MED12L: variants seen among roughly 807,000 people sequenced by gnomAD.
MED12L encodes mediator complex subunit 12L, also known as mediator of RNA polymerase II transcription subunit 12-like protein.
In MED12L, 60 loss-of-function variants were observed where a neutral mutation model predicts 281.3. That is an observed-to-expected ratio of 0.21 (90% CI 0.17 to 0.26). The LOEUF (loss-of-function observed/expected upper bound fraction) is 0.26. MED12L is among the 10% of genes least tolerant of loss of function. MED12L has a pLI of 1.00. For missense variants in MED12L, 2,146 were observed against 2,680.9 expected, an observed-to-expected ratio of 0.80 and a Z score of 4.41; for synonymous variants, 974 against 987.2, an observed-to-expected ratio of 0.99 and a Z score of 0.25.
At chr3:151,235,211 C>G (rs1732486285) in intron 16 of MED12L, among the ~76,000 whole-genome samples, 1 of 152,148 alleles carries the variant, frequency 6.6e-6, no homozygotes, top group Admixed American at 6.5e-5. Context: ...TAATGCCTGG[C>G]AGAACTCTGA....
intron 37 of MED12L, 103 bp downstream of exon 37, chr3:151,388,275 GT>G: frequency 1.4e-6 from 2 of 1,414,972 alleles, no homozygotes; most frequent in South Asian, 1.4e-5. Context: ...AGCAGGATAA[GT>G]TTTGTTATGA....
chr3:151,294,644 A>AC lies in MED12L; in HGVS notation c.2251-55410dup, dbSNP rs1559993720. 3 of 1,614,008 alleles carry AC rather than the reference A, an allele frequency of 1.9e-6. 1 individual carries two copies. The highest frequency in any genetic ancestry group is 3.3e-5 in the Admixed American group (2 of 59,996). ...ATAGGTGACTGCCGTATGCCATTTG[A>AC]CCCCCAAAGGACTTTTAAGTTTTGA... is the stretch of plus-strand genomic sequence containing the variant. On this transcript the variant is annotated intron_variant, in intron 16 of 44. Transcript: ENST00000687756.
At chr3:151,296,410 C>G (rs570868634) in intron 16 of MED12L, among the ~76,000 whole-genome samples, 1 of 152,172 alleles carries the variant, frequency 6.6e-6, no homozygotes, top group Admixed American at 6.5e-5. Flanking sequence ...GCTGCTGCCA[C>G]GCTTCCCGCG....
chr3:151,366,067 G>T lies in MED12L; in HGVS notation c.3327+76G>T, dbSNP rs557676830. 2.5e-5 allele frequency: 32 copies of T among 1,265,912 alleles called. No homozygotes were observed. The South Asian group carries it at 5.6e-4, about 22-fold the overall frequency. 78.4% of individuals were successfully genotyped at this position (1,265,912 alleles called of 1,614,324 possible). On this transcript the variant is annotated intron_variant, in intron 23 of 44. Coordinates refer to ENST00000687756, the MANE Select transcript of MED12L (RefSeq NM_001393769.1). The stretch of plus-strand genomic sequence containing the variant: ...TTAGTGGGTAATCTTTTTGCTTTTG[G>T]CTTTTATTTAATTGATTCAACTGAA...
chr3:151,328,458 G>T lies in MED12L; in HGVS notation c.2251-21601G>T, dbSNP rs963633242. The T allele has an allele frequency of 1.9e-6, 3 of 1,613,536 alleles. No individual in the cohort carries two copies. In the African/African-American group the frequency reaches 4.0e-5, roughly 22 times the overall value. On this transcript the variant is annotated intron_variant, in intron 16 of 44. Transcript: ENST00000687756. ...ATTTGATGCCATTTCAGCCCCAGAGGCCCCTTTAAGGAAGCACACTTTTTC... is the reference window on the plus strand; with the variant it reads ...ATTTGATGCCATTTCAGCCCCAGAGTCCCCTTTAAGGAAGCACACTTTTTC...
intron 2 of MED12L, among the ~76,000 whole-genome samples, chr3:151,102,431 T>G (rs942084403): frequency 1.4e-4 from 21 of 152,124 alleles, no homozygotes; most frequent in Non-Finnish European, 5.9e-5. Context: ...TTTAGCCCGT[T>G]TCTGAATAAT....
chr3:151,299,925 A>G, intron 16 of MED12L: 2 of 703,904 alleles, frequency 2.8e-6, no homozygotes, highest in East Asian at 5.3e-5. Context: ...TTGCTGTTTT[A>G]TACATAAGGA....
At chr3:151,392,493 A>G (rs1560118437) in intron 38 of MED12L, among the ~76,000 whole-genome samples, 2 of 148,604 alleles carry the variant, frequency 1.3e-5, no homozygotes, top group East Asian at 4.0e-4. Flanking sequence ...AAAAAAAGTA[A>G]AAATAAATAA....
chr3:151,384,521 G>C (rs563300786), intron 35 of MED12L, among the ~76,000 whole-genome samples: 1 of 152,186 alleles, frequency 6.6e-6, no homozygotes, highest in Admixed American at 6.5e-5. Context: ...ATAACTCTAT[G>C]CTTGGACTGG....
intron 26 of MED12L, among the ~76,000 whole-genome samples, chr3:151,371,483 A>G (rs1756178892): frequency 1.3e-5 from 2 of 152,214 alleles, no homozygotes; most frequent in South Asian, 2.1e-4. Flanking sequence ...ATATGATTAT[A>G]TATTGATAAA....
intron 16 of MED12L, among the ~76,000 whole-genome samples, chr3:151,238,366 C>T (rs557574611): frequency 3.3e-5 from 5 of 152,230 alleles, no homozygotes; most frequent in African/African-American, 7.2e-5. Flanking sequence ...AGGCTGGTCT[C>T]GAACTCCTGA....
At chr3:151,177,635 G>A (rs1006256285) in intron 11 of MED12L, among the ~76,000 whole-genome samples, 20 of 150,916 alleles carry the variant, frequency 1.3e-4, no homozygotes, top group Admixed American at 9.9e-4. Context: ...GACTACAGAT[G>A]TACACTACCA....
At chr3:151,127,772 G>C in intron 4 of MED12L, 53 bp from the exon 5 acceptor site, 4 of 1,320,302 alleles carry the variant, frequency 3.0e-6, no homozygotes, top group Non-Finnish European at 4.2e-6. Flanking sequence ...GGTTTATCTA[G>C]TGATGAACAC....
At chr3:151,151,165 A>C (rs1329199344) in intron 5 of MED12L, among the ~76,000 whole-genome samples, 1 of 150,234 alleles carries the variant, frequency 6.7e-6, no homozygotes, top group African/African-American at 2.5e-5. Flanking sequence ...AGCCTCTTGA[A>C]TAGCTGGGAC....
intron 44 of MED12L, among the ~76,000 whole-genome samples, chr3:151,431,714 T>C (rs1422415625): frequency 6.6e-6 from 1 of 152,180 alleles, no homozygotes; most frequent in Non-Finnish European, 1.5e-5. Flanking sequence ...GGCATCTGTT[T>C]GGGGAAAGAT....
intron 42 of MED12L, among the ~76,000 whole-genome samples, chr3:151,415,661 T>C (rs191911639): frequency 1.7e-4 from 26 of 152,340 alleles, no homozygotes; most frequent in Non-Finnish European, 1.6e-4. Context: ...TTAAAGGTCA[T>C]TGAAACAAAA....
chr3:151,286,014 G>C (rs996710729), intron 16 of MED12L, among the ~76,000 whole-genome samples: 1 of 152,228 alleles, frequency 6.6e-6, no homozygotes, highest in Non-Finnish European at 1.5e-5. Flanking sequence ...AACTAAGAGA[G>C]GTGAGTTGTA....
chr3:151,192,514 C>T (rs1353713896), intron 14 of MED12L, 36 bp from the exon 15 acceptor site: 3 of 1,425,280 alleles, frequency 2.1e-6, no homozygotes, highest in Non-Finnish European at 2.9e-6. Context: ...AACTCCAAAA[C>T]TTACAATGTT....
At chr3:151,209,785 T>C (rs1247275083) in intron 16 of MED12L, among the ~76,000 whole-genome samples, 3 of 152,116 alleles carry the variant, frequency 2.0e-5, no homozygotes, top group African/African-American at 7.2e-5. Context: ...TTGACTAACA[T>C]CATCAAGCAG....
Sources: gnomAD v4.1 joint callset for allele counts (sites outside exome capture counted in the v4.1 genomes callset) on GRCh38, gnomAD v4.1.1 for gene constraint, MANE v1.5 for transcripts, NCBI Gene and HGNC (gene_info 2026-07-23, HGNC 2026-07-21) for gene names.